ZPBP: variants seen among roughly 807,000 people sequenced by gnomAD.
ZPBP encodes the protein zona pellucida binding protein, also known as zona pellucida-binding protein 1.
A neutral mutation model predicts 44.8 loss-of-function variants in ZPBP; 26 were observed. That is an observed-to-expected ratio of 0.58 (90% CI 0.43 to 0.81). The LOEUF is 0.81. Ranked by LOEUF, ZPBP falls within the 30% of genes least tolerant of loss-of-function variation. The pLI is 0.00. For missense variants in ZPBP, 409 were observed against 434.0 expected (o/e 0.94, Z 0.51); for synonymous variants, 174 against 153.2 (o/e 1.14, Z -1.00).
intron 6 of ZPBP, among the ~76,000 whole-genome samples, chr7:49,991,986 G>C (rs1479523018): frequency 1.3e-5 from 2 of 152,018 alleles, no homozygotes; most frequent in Admixed American, 6.6e-5. Flanking sequence ...AAGGAGATGA[G>C]AGCTAAAACT....
At chr7:50,048,171 A>G (rs556008790) in intron 4 of ZPBP, among the ~76,000 whole-genome samples, 1 of 152,300 alleles carries the variant, frequency 6.6e-6, no homozygotes, top group African/African-American at 2.4e-5. Context: ...GTTACTAAAG[A>G]AAAAAGGGAC....
chr7:49,915,226 G>A (rs1277204060), intron 1 of ZPBP: 1 of 152,178 alleles, frequency 6.6e-6, no homozygotes, highest in Admixed American at 6.5e-5. Context: ...CATGCAAGAA[G>A]TATTAGATGC....
At chr7:49,967,343 A>T (rs1414407555) in intron 7 of ZPBP, among the ~76,000 whole-genome samples, 1 of 152,170 alleles carries the variant, frequency 6.6e-6, no homozygotes, top group East Asian at 1.9e-4. Context: ...TTTAATTTGG[A>T]AGCAGGTACC....
chr7:50,003,906 T>A (rs1178975200), intron 6 of ZPBP, among the ~76,000 whole-genome samples: 1 of 152,224 alleles, frequency 6.6e-6, no homozygotes, highest in East Asian at 1.9e-4. Context: ...AACTGACAAA[T>A]AATTTTTACA....
At chr7:50,036,403 G>A (rs990472093) in intron 4 of ZPBP, among the ~76,000 whole-genome samples, 16 of 152,032 alleles carry the variant, frequency 1.1e-4, no homozygotes, top group Admixed American at 7.9e-4. Context: ...ACTCTCCTTC[G>A]CCTCCCAAAG....
chr7:49,911,918 T>TACACACAC (rs1554344973), intron 1 of ZPBP: 15 of 222,992 alleles, frequency 6.7e-5, no homozygotes, highest in Admixed American at 2.4e-4. Flanking sequence ...AACAAACAAA[T>TACACACAC]ACACGCACAC....
chr7:49,939,732 A>G (rs939559571), intron 7 of ZPBP, among the ~76,000 whole-genome samples: 4 of 152,184 alleles, frequency 2.6e-5, no homozygotes, highest in African/African-American at 9.6e-5. Flanking sequence ...AAACTGTGGA[A>G]AGACTCTCCA....
intron 1 of ZPBP, chr7:49,912,326 A>C (rs1011978644): frequency 3.6e-6 from 3 of 842,742 alleles, no homozygotes; most frequent in Non-Finnish European, 5.3e-6. Context: ...CCTTTTCTTG[A>C]TAACAGTTAC....
At chr7:49,982,188 T>C (rs1271721463) in intron 7 of ZPBP, among the ~76,000 whole-genome samples, 2 of 59,532 alleles carry the variant, frequency 3.4e-5, no homozygotes, top group Non-Finnish European at 5.8e-5. Context: ...TAATTTATTA[T>C]TATATATATT....
chr7:50,054,183 G>T (rs1253985171), intron 4 of ZPBP, among the ~76,000 whole-genome samples: 1 of 151,610 alleles, frequency 6.6e-6, no homozygotes, highest in East Asian at 1.9e-4. Flanking sequence ...TTCTAGATAG[G>T]AAACAATCTC....
downstream of ZPBP, among the ~76,000 whole-genome samples, chr7:49,846,472 A>G (rs1789950395): frequency 6.6e-6 from 1 of 152,176 alleles, no homozygotes; most frequent in African/African-American, 2.4e-5. Context: ...ACGTCTTTGC[A>G]TATGCCTTTT....
chr7:50,034,527 C>A (rs1799742918), intron 4 of ZPBP, among the ~76,000 whole-genome samples: 1 of 152,134 alleles, frequency 6.6e-6, no homozygotes, highest in African/African-American at 2.4e-5. Flanking sequence ...AGCTGACTGC[C>A]CTCCAAACTC....
At chr7:49,883,412 A>G (rs1006540305) in intron 2 of ZPBP, among the ~76,000 whole-genome samples, 2 of 152,214 alleles carry the variant, frequency 1.3e-5, no homozygotes, top group African/African-American at 4.8e-5. Context: ...CAATTTGGAA[A>G]AAAGGTGAAT....
intron 2 of ZPBP, among the ~76,000 whole-genome samples, chr7:50,085,099 A>C (rs1205324978): frequency 6.6e-6 from 1 of 152,114 alleles, no homozygotes; most frequent in Non-Finnish European, 1.5e-5. Context: ...TGAAGTCATC[A>C]GGCTGAGTAC....
rs771955717 is a variant in ZPBP, at chr7:49,970,466, C to CTTTTTTTTTTTTTTTTT, written c.961+12859_961+12875dup. Among the ~76,000 whole-genome samples, 6 of 85,200 alleles carry CTTTTTTTTTTTTTTTTT rather than the reference C, an allele frequency of 7.0e-5. 1 individual carries two copies. Among genetic ancestry groups the CTTTTTTTTTTTTTTTTT allele is most frequent in the African/African-American group, 1.4e-4 (3 of 20,936 alleles). The allele number at this position is 85,200 out of a possible 152,430, so 55.9% of individuals were successfully genotyped here. On this transcript the variant is annotated intron_variant, in intron 7 of 7. Transcript: ENST00000046087. Reference sequence around the variant, plus strand: ...ACCCTCCACACAACAGCTGAATATACTTTTTTTTTTTTTTTTTTTTTTTTT... The same window carrying CTTTTTTTTTTTTTTTTT: ...ACCCTCCACACAACAGCTGAATATACTTTTTTTTTTTTTTTTTTTTTTTTTTTTTTTTTTTTTTTTTT...
At chr7:49,933,567 A>T (rs181355686), downstream of ZPBP, among the ~76,000 whole-genome samples, 1 of 152,302 alleles carries the variant, frequency 6.6e-6, no homozygotes, top group Non-Finnish European at 1.5e-5. Context: ...TACCCAAAGG[A>T]TTATAAATCA....
chr7:50,053,749 G>A (rs1036356136), intron 4 of ZPBP, among the ~76,000 whole-genome samples: 11 of 152,090 alleles, frequency 7.2e-5, no homozygotes, highest in African/African-American at 1.9e-4. Flanking sequence ...TTGTGAACTG[G>A]TCAGAAATTC....
intron 6 of ZPBP, 65 bp from the exon 7 acceptor site, chr7:49,983,584 G>T: frequency 1.0e-6 from 1 of 974,344 alleles, no homozygotes; most frequent in South Asian, 1.5e-5. Context: ...AACAAATAAG[G>T]ATGCATGTGG....
intron 1 of ZPBP, among the ~76,000 whole-genome samples, chr7:49,903,266 AT>A (rs1157210869): frequency 6.6e-6 from 1 of 152,208 alleles, no homozygotes; most frequent in South Asian, 2.1e-4. Context: ...CTGTGCTTTC[AT>A]TTAGGAGAAA....
Sources: allele counts gnomAD v4.1 joint callset (sites outside exome capture counted in the v4.1 genomes callset), GRCh38; gene constraint gnomAD v4.1.1; transcripts MANE v1.5; gene names NCBI Gene and HGNC (gene_info 2026-07-23, HGNC 2026-07-21).